NXPH1: variants seen among roughly 807,000 people sequenced by gnomAD.
The protein encoded by NXPH1 is neurexophilin-1.
In NXPH1, 5 loss-of-function variants were observed where a neutral mutation model predicts 23.7. The observed-to-expected ratio is 0.21, with a 90% CI of 0.11 to 0.44. The LOEUF (loss-of-function observed/expected upper bound fraction) is 0.44. Among genes scored for constraint, NXPH1 ranks in the 20% least tolerant of loss-of-function variants. NXPH1 has a pLI of 0.99. For synonymous variants in NXPH1, 144 were observed against 122.2 expected (o/e 1.18, Z -1.18); for missense variants, 324 against 321.6 (o/e 1.01, Z -0.06).
intron 2 of NXPH1, among the ~76,000 whole-genome samples, chr7:8,445,822 G>C (rs886132812): frequency 3.9e-5 from 6 of 152,214 alleles, no homozygotes; most frequent in Non-Finnish European, 7.3e-5. Context: ...TCCTTGGTAG[G>C]AATCTGATAC....
At chr7:8,568,443 A>G (rs1231660500) in intron 2 of NXPH1, among the ~76,000 whole-genome samples, 2 of 151,890 alleles carry the variant, frequency 1.3e-5, no homozygotes, top group African/African-American at 2.4e-5. Context: ...GTGCAGATGC[A>G]TAAAGAGAAG....
At chr7:8,496,594 G>C (rs1817342022) in intron 2 of NXPH1, among the ~76,000 whole-genome samples, 1 of 152,068 alleles carries the variant, frequency 6.6e-6, no homozygotes, top group African/African-American at 2.4e-5. Flanking sequence ...TTCAAAGGGT[G>C]GTCCCCAGAC....
intron 2 of NXPH1, among the ~76,000 whole-genome samples, chr7:8,638,510 T>A (rs1250949251): frequency 6.6e-6 from 1 of 152,156 alleles, no homozygotes; most frequent in African/African-American, 2.4e-5. Context: ...TAATCCACAG[T>A]AGAAAGCTTT....
At chr7:8,552,238 A>T in intron 2 of NXPH1, among the ~76,000 whole-genome samples, 1 of 151,394 alleles carries the variant, frequency 6.6e-6, no homozygotes, top group East Asian at 2.0e-4. Flanking sequence ...ACTGCTGACA[A>T]TTACACAAAT....
At chr7:8,687,872 A>C (rs58853148) in intron 2 of NXPH1, among the ~76,000 whole-genome samples, 137 of 152,246 alleles carry the variant, frequency 9.0e-4, no homozygotes, top group Middle Eastern at 3.4e-3. Context: ...CTTAACAAAA[A>C]TGTTATTTTA....
At chr7:8,741,740 G>A (rs1780366921) in intron 2 of NXPH1, among the ~76,000 whole-genome samples, 1 of 152,102 alleles carries the variant, frequency 6.6e-6, no homozygotes, top group Non-Finnish European at 1.5e-5. Context: ...CTCTAAATTT[G>A]TAAGAAAGGA....
intron 2 of NXPH1, among the ~76,000 whole-genome samples, chr7:8,459,156 T>A (rs1197119664): frequency 1.3e-5 from 2 of 152,060 alleles, no homozygotes; most frequent in Non-Finnish European, 2.9e-5. Context: ...TGTGGTCTAA[T>A]AATTTAATGC....
At chr7:8,668,321 G>T (rs1820813027) in intron 2 of NXPH1, among the ~76,000 whole-genome samples, 2 of 145,464 alleles carry the variant, frequency 1.4e-5, no homozygotes, top group African/African-American at 2.5e-5. Context: ...TGGAGAAGTT[G>T]AGACTTATTT....
chr7:8,651,382 T>C (rs540343469), intron 2 of NXPH1, among the ~76,000 whole-genome samples: 1 of 106,508 alleles, frequency 9.4e-6, no homozygotes, highest in African/African-American at 3.1e-5. Flanking sequence ...TGTTGGACAT[T>C]TGGGTTGGTT....
chr7:8,733,962 C>T (rs1780201896), intron 2 of NXPH1, among the ~76,000 whole-genome samples: 1 of 152,116 alleles, frequency 6.6e-6, no homozygotes, highest in South Asian at 2.1e-4. Context: ...ATGCCTATGT[C>T]CTGAATGGTA....
At chr7:8,650,245 T>C (rs1219215218) in intron 2 of NXPH1, among the ~76,000 whole-genome samples, 1 of 152,234 alleles carries the variant, frequency 6.6e-6, no homozygotes, top group Non-Finnish European at 1.5e-5. Context: ...CCTTTATTTT[T>C]TTCTAATACA....
At chr7:8,604,251 T>C (rs147787967) in intron 2 of NXPH1, among the ~76,000 whole-genome samples, 171 of 152,258 alleles carry the variant, frequency 1.1e-3, no homozygotes, top group African/African-American at 3.8e-3. Flanking sequence ...ACTTGTTGAT[T>C]CAATGTTCTC....
At chr7:8,610,700 C>T (rs766784856) in intron 2 of NXPH1, among the ~76,000 whole-genome samples, 7 of 151,548 alleles carry the variant, frequency 4.6e-5, no homozygotes, top group Non-Finnish European at 7.4e-5. Flanking sequence ...TGATTCATTC[C>T]CTCTAATTTT....
chr7:8,680,197 A>G (rs1821029283), intron 2 of NXPH1, among the ~76,000 whole-genome samples: 1 of 152,256 alleles, frequency 6.6e-6, no homozygotes, highest in South Asian at 2.1e-4. Context: ...TTTATTGAGT[A>G]CATGTGATGC....
intron 2 of NXPH1, among the ~76,000 whole-genome samples, chr7:8,698,080 C>T (rs1376014647): frequency 6.6e-6 from 1 of 152,100 alleles, no homozygotes; most frequent in East Asian, 1.9e-4. Context: ...AAGGACAGTG[C>T]AGAGAGCAAG....
intron 2 of NXPH1, among the ~76,000 whole-genome samples, chr7:8,525,985 A>G (rs1052228459): frequency 2.5e-5 from 3 of 121,676 alleles, no homozygotes; most frequent in Non-Finnish European, 3.6e-5. Flanking sequence ...ACTGCCCTCC[A>G]GACCCCAGAA....
In NXPH1 at chr7:8,633,190, T is replaced by C. The variant is rs145806982; in HGVS notation, c.55-117818T>C. Among the ~76,000 whole-genome samples the C allele has an allele frequency of 1.4e-3, 209 of 152,280 alleles. No individual in the cohort carries two copies. The Middle Eastern group carries it at 0.041, about 30-fold the overall frequency. ...GCTCACGCCTGTAATCCCGTCACTT[T>C]GGGAGGATGAGGCAGGTGGATTACG... is the stretch of plus-strand genomic sequence containing the variant. On this transcript the variant is annotated intron_variant, in intron 2 of 2. Transcript: ENST00000405863.
intron 2 of NXPH1, among the ~76,000 whole-genome samples, chr7:8,608,528 G>A (rs1819550027): frequency 6.6e-6 from 1 of 152,048 alleles, no homozygotes; most frequent in Admixed American, 6.6e-5. Flanking sequence ...AGATAAATAA[G>A]AATGGAGGTA....
intron 2 of NXPH1, among the ~76,000 whole-genome samples, chr7:8,517,119 A>G (rs892131820): frequency 3.3e-5 from 5 of 152,146 alleles, no homozygotes; most frequent in African/African-American, 1.2e-4. Context: ...TAAAGAAGAT[A>G]GATGTAGCAT....
Sources: allele counts gnomAD v4.1 joint callset (sites outside exome capture counted in the v4.1 genomes callset), GRCh38; gene constraint gnomAD v4.1.1; transcripts MANE v1.5; gene names NCBI Gene and HGNC (gene_info 2026-07-23, HGNC 2026-07-21).